The following EXT2 variants were observed in gnomAD, a reference collection of about 807,000 sequenced individuals.
EXT2 encodes exostosin-2.
In EXT2, 53 loss-of-function variants were observed where a neutral mutation model predicts 81.6. That is an observed-to-expected ratio of 0.65 (90% CI 0.52 to 0.82). The LOEUF (loss-of-function observed/expected upper bound fraction) is 0.82, where lower values mean the gene tolerates loss of function less well. Among genes scored for constraint, EXT2 ranks in the 40% least tolerant of loss-of-function variants. The pLI, the probability that EXT2 is intolerant of heterozygous loss-of-function variation, is 0.00. For missense variants in EXT2, 774 were observed against 910.2 expected (o/e 0.85, Z 1.93); for synonymous variants, 320 against 340.0 (o/e 0.94, Z 0.65).
chr11:44,098,231 T>C (rs890578636), intron 1 of EXT2, among the ~76,000 whole-genome samples: 5 of 152,234 alleles, frequency 3.3e-5, no homozygotes, highest in African/African-American at 1.2e-4. Flanking sequence ...GGATGATGGT[T>C]TGGAGATACT....
chr11:44,103,556 C>G (rs1954015135), intron 1 of EXT2: 1 of 366,014 alleles, frequency 2.7e-6, no homozygotes, highest in Non-Finnish European at 5.2e-6. Context: ...TGAAGTGTTT[C>G]CTCTTTTTTT....
At chr11:44,226,694 C>A (rs1235319204) in intron 10 of EXT2, among the ~76,000 whole-genome samples, 1 of 152,256 alleles carries the variant, frequency 6.6e-6, no homozygotes, top group Admixed American at 6.5e-5. Flanking sequence ...CTGCCCCTTT[C>A]CCATCTGGGC....
intron 1 of EXT2, 197 bp downstream of exon 1, chr11:44,096,049 C>G (rs929890251): frequency 1.1e-5 from 7 of 640,908 alleles, no homozygotes; most frequent in Non-Finnish European, 2.0e-5. Flanking sequence ...TGGAGCGCTC[C>G]GATTTCCACT....
chr11:44,200,248 AC>A (rs1241460740), intron 9 of EXT2, among the ~76,000 whole-genome samples: 6 of 150,750 alleles, frequency 4.0e-5, no homozygotes, highest in African/African-American at 1.5e-4. Context: ...TATTGTGGTT[AC>A]CATGTCTGCT....
In EXT2 at chr11:44,200,709, G is replaced by A. The variant is rs115767613; in HGVS notation, c.1495+2691G>A. On this transcript the variant is annotated intron_variant, in intron 9 of 13. Coordinates refer to ENST00000533608, the MANE Select transcript of EXT2 (RefSeq NM_207122.2). ...GACCAGCTGTACACCAGCAACTCAGGCAATTCTGAAGTGGGCTTAAGGTTT... is the reference window on the plus strand; with the variant it reads ...GACCAGCTGTACACCAGCAACTCAGACAATTCTGAAGTGGGCTTAAGGTTT... Among the ~76,000 whole-genome samples the A allele has an allele frequency of 7.3e-3, 1,116 of 152,266 alleles. 10 individuals are homozygous for A. The highest frequency in any genetic ancestry group is 0.026 in the African/African-American group (1,067 of 41,546).
At chr11:44,104,351 C>CAT (rs970248493) in intron 1 of EXT2, among the ~76,000 whole-genome samples, 4 of 151,852 alleles carry the variant, frequency 2.6e-5, no homozygotes, top group African/African-American at 4.8e-5. Flanking sequence ...CATATACACA[C>CAT]ATATATATAT....
chr11:44,181,674 T>G (rs897917750), intron 8 of EXT2, among the ~76,000 whole-genome samples: 1 of 152,214 alleles, frequency 6.6e-6, no homozygotes, highest in African/African-American at 2.4e-5. Context: ...TCTTATAACT[T>G]CCTAATTTTG....
At chr11:44,207,233 G>A (rs766966668) in intron 10 of EXT2, among the ~76,000 whole-genome samples, 7 of 152,186 alleles carry the variant, frequency 4.6e-5, no homozygotes, top group Non-Finnish European at 5.9e-5. Context: ...AGCATCTATA[G>A]CATTTAACAA....
chr11:44,127,394 C>T (rs1320172321), intron 6 of EXT2, among the ~76,000 whole-genome samples: 1 of 152,288 alleles, frequency 6.6e-6, no homozygotes, highest in African/African-American at 2.4e-5. Flanking sequence ...ATCTGAGCCT[C>T]GCCTCCTGTC....
intron 1 of EXT2, among the ~76,000 whole-genome samples, chr11:44,099,101 A>G (rs1244243959): frequency 2.0e-5 from 3 of 152,152 alleles, no homozygotes; most frequent in Non-Finnish European, 4.4e-5. Context: ...TCCCGGGTTC[A>G]AGAAACCCTC....
At chr11:44,123,549 C>T (rs982540427) in intron 4 of EXT2, among the ~76,000 whole-genome samples, 5 of 152,176 alleles carry the variant, frequency 3.3e-5, no homozygotes, top group Non-Finnish European at 5.9e-5. Flanking sequence ...ATCCAAAATG[C>T]TCAGGACCAG....
At chr11:44,224,007 C>T (rs903063215) in intron 10 of EXT2, among the ~76,000 whole-genome samples, 1 of 152,156 alleles carries the variant, frequency 6.6e-6, no homozygotes. Context: ...TGGAAATGCT[C>T]TGTACCTTGA....
chr11:44,174,611 C>T lies in EXT2; in HGVS notation c.1305+2869C>T, dbSNP rs1254677171. 3.3e-5 allele frequency among the ~76,000 whole-genome samples: 5 copies of T among 152,066 alleles called. No homozygotes were observed. The East Asian group carries it at 9.6e-4, about 29-fold the overall frequency. ...GCAACTATTCTGTTACTGACCTCTA[C>T]AGTTGTTTACTTTTTTTAGTTGATT... On this transcript the variant is annotated intron_variant, in intron 8 of 13. Transcript: ENST00000533608.
intron 1 of EXT2, among the ~76,000 whole-genome samples, chr11:44,101,005 C>T (rs72900089): frequency 0.18 from 26,682 of 152,118 alleles, 2,880 homozygotes; most frequent in Middle Eastern, 0.26. Context: ...CTGCCTTCCA[C>T]TCCCCTCAGA....
At chr11:44,231,285 A>G (rs1955895898) in intron 10 of EXT2, among the ~76,000 whole-genome samples, 1 of 152,198 alleles carries the variant, frequency 6.6e-6, no homozygotes, top group African/African-American at 2.4e-5. Flanking sequence ...AAAGGAAGGA[A>G]TAAAGACTGA....
At chr11:44,100,540 G>A (rs1194265885) in intron 1 of EXT2, among the ~76,000 whole-genome samples, 3 of 152,172 alleles carry the variant, frequency 2.0e-5, no homozygotes, top group Admixed American at 6.5e-5. Context: ...GGAGAGTGGA[G>A]TTGACTGGCT....
intron 8 of EXT2, among the ~76,000 whole-genome samples, chr11:44,194,379 T>G (rs1955430983): frequency 6.6e-6 from 1 of 152,166 alleles, no homozygotes; most frequent in Non-Finnish European, 1.5e-5. Flanking sequence ...ATCAAGAACT[T>G]TTAGGATTTT....
At chr11:44,177,449 C>G (rs903512) in intron 8 of EXT2, among the ~76,000 whole-genome samples, 86,785 of 152,056 alleles carry the variant, frequency 0.57, 25,215 homozygotes, top group Middle Eastern at 0.72. Flanking sequence ...CTAGGGTTCT[C>G]CTTGGACACC....
intron 7 of EXT2, among the ~76,000 whole-genome samples, chr11:44,136,076 T>G (rs776550561): frequency 6.6e-6 from 1 of 152,256 alleles, no homozygotes; most frequent in Non-Finnish European, 1.5e-5. Flanking sequence ...AAGATGTTTG[T>G]TTTTATTTTT....
Sources: allele counts gnomAD v4.1 joint callset (sites outside exome capture counted in the v4.1 genomes callset), GRCh38; gene constraint gnomAD v4.1.1; transcripts MANE v1.5; gene names NCBI Gene and HGNC (gene_info 2026-07-23, HGNC 2026-07-21).